Variants in NFIA observed in about 807,000 individuals in gnomAD.
NFIA encodes the protein nuclear factor I A.
NFIA carries 8 observed loss-of-function variants against 62.8 expected under a neutral mutation model. The observed-to-expected ratio is 0.13, with a 90% CI of 0.07 to 0.23. NFIA has a LOEUF of 0.23. Among genes scored for constraint, NFIA ranks in the 10% least tolerant of loss-of-function variants. The pLI, the probability that NFIA is intolerant of heterozygous loss-of-function variation, is 1.00. For missense variants in NFIA, 410 were observed against 642.1 expected, an observed-to-expected ratio of 0.64 and a Z score of 3.91; for synonymous variants, 235 against 238.1, an observed-to-expected ratio of 0.99 and a Z score of 0.12.
chr1:61,265,079 G>A (rs1051256747), intron 2 of NFIA, among the ~76,000 whole-genome samples: 1 of 152,130 alleles, frequency 6.6e-6, no homozygotes, highest in African/African-American at 2.4e-5. Context: ...TTTCCCATTT[G>A]TATCAACTCA....
At chr1:61,274,064 G>A (rs567611770) in intron 2 of NFIA, among the ~76,000 whole-genome samples, 25 of 152,264 alleles carry the variant, frequency 1.6e-4, no homozygotes, top group Non-Finnish European at 3.1e-4. Context: ...TTGTACAAGC[G>A]TTTGGAAGCA....
chr1:61,439,330 G>T (rs953521747), intron 10 of NFIA: 1 of 152,110 alleles, frequency 6.6e-6, no homozygotes, highest in Non-Finnish European at 1.5e-5. Flanking sequence ...TAAAAATGAC[G>T]TTTTGTTCTC....
chr1:61,252,550 G>A (rs1656111948), intron 2 of NFIA, among the ~76,000 whole-genome samples: 1 of 152,214 alleles, frequency 6.6e-6, no homozygotes, highest in Admixed American at 6.5e-5. Flanking sequence ...ATGAGAGAAG[G>A]TTGTAAAAAT....
At chr1:61,301,703 A>G (rs1354117506) in intron 3 of NFIA, among the ~76,000 whole-genome samples, 1 of 152,202 alleles carries the variant, frequency 6.6e-6, no homozygotes, top group Non-Finnish European at 1.5e-5. Flanking sequence ...TTAAAGAGAA[A>G]TGAGGTTTAG....
chr1:61,346,292 C>T (rs1384561262), intron 4 of NFIA, among the ~76,000 whole-genome samples: 1 of 152,152 alleles, frequency 6.6e-6, no homozygotes, highest in Admixed American at 6.5e-5. Context: ...GCGACTGCAT[C>T]GTTTTTATAG....
chr1:61,322,238 G>A (rs545995195), intron 3 of NFIA, among the ~76,000 whole-genome samples: 3 of 152,302 alleles, frequency 2.0e-5, no homozygotes, highest in East Asian at 1.9e-4. Flanking sequence ...GTTGTGACAC[G>A]TTAGATTCAA....
chr1:61,363,190 A>G (rs753587132), intron 6 of NFIA, among the ~76,000 whole-genome samples: 4 of 152,242 alleles, frequency 2.6e-5, no homozygotes, highest in African/African-American at 4.8e-5. Flanking sequence ...TCCAAAATCC[A>G]TATTTGAAAC....
chr1:61,253,853 T>G (rs1002471154), intron 2 of NFIA, among the ~76,000 whole-genome samples: 1 of 152,224 alleles, frequency 6.6e-6, no homozygotes, highest in Non-Finnish European at 1.5e-5. Flanking sequence ...AATAAAGCAG[T>G]GACTAATTAT....
At chr1:61,319,944 G>C (rs548086358) in intron 3 of NFIA, among the ~76,000 whole-genome samples, 1 of 151,998 alleles carries the variant, frequency 6.6e-6, no homozygotes, top group African/African-American at 2.4e-5. Flanking sequence ...CCTCAGATCT[G>C]TGTTCTCTAT....
At position 61,327,058 on chromosome 1, in the gene NFIA, A is replaced by G. The variant is rs185705966; in HGVS notation, c.626-5454A>G. Among the ~76,000 whole-genome samples, 1,149 of 148,526 alleles carry G rather than the reference A, an allele frequency of 7.7e-3. 7 individuals are homozygous for G. The highest frequency in any genetic ancestry group is 0.046 in the Middle Eastern group (13 of 280). On this transcript the variant is annotated intron_variant, in intron 3 of 10. Transcript: ENST00000403491. ...AAAAATATATATATATGATATGTAT[A>G]TATCTACTATTATGATATGTATATA...
At chr1:61,297,248 A>G (rs1329834006) in intron 3 of NFIA, among the ~76,000 whole-genome samples, 2 of 152,206 alleles carry the variant, frequency 1.3e-5, no homozygotes, top group Middle Eastern at 3.2e-3. Context: ...TCTACTCTGC[A>G]TACCATTAAA....
intron 3 of NFIA, among the ~76,000 whole-genome samples, chr1:61,303,900 T>A (rs1487859053): frequency 6.6e-6 from 1 of 152,180 alleles, no homozygotes; most frequent in Non-Finnish European, 1.5e-5. Context: ...CTCTTTATGC[T>A]GTTCCGAGTA....
chr1:61,166,459 GC>G (rs1200337843), intron 2 of NFIA, among the ~76,000 whole-genome samples: 1 of 152,026 alleles, frequency 6.6e-6, no homozygotes, highest in Non-Finnish European at 1.5e-5. Flanking sequence ...ACCCACACTG[GC>G]CAACTGAGAA....
At chr1:61,181,285 G>A (rs1038825636) in intron 2 of NFIA, among the ~76,000 whole-genome samples, 1 of 152,182 alleles carries the variant, frequency 6.6e-6, no homozygotes, top group Non-Finnish European at 1.5e-5. Flanking sequence ...ATGTATGTGT[G>A]AAACAGCCAC....
intron 2 of NFIA, among the ~76,000 whole-genome samples, chr1:61,186,318 C>A (rs1188252981): frequency 6.6e-6 from 1 of 152,058 alleles, no homozygotes; most frequent in Non-Finnish European, 1.5e-5. Context: ...AAAACACTTT[C>A]TACATCATAG....
intron 3 of NFIA, among the ~76,000 whole-genome samples, chr1:61,297,327 G>C (rs1659240820): frequency 6.6e-6 from 1 of 152,098 alleles, no homozygotes; most frequent in African/African-American, 2.4e-5. Context: ...ATAAGAGGCA[G>C]TGCCATTAAC....
intron 4 of NFIA, among the ~76,000 whole-genome samples, chr1:61,342,583 G>A (rs1423219254): frequency 6.6e-6 from 1 of 152,220 alleles, no homozygotes; most frequent in Non-Finnish European, 1.5e-5. Flanking sequence ...GTTAGACCAA[G>A]TGGCAGGGCC....
At chr1:61,426,295 T>A (rs1336050153) in intron 9 of NFIA, among the ~76,000 whole-genome samples, 170 bp from the exon 10 acceptor site, 1 of 152,192 alleles carries the variant, frequency 6.6e-6, no homozygotes, top group Admixed American at 6.5e-5. Flanking sequence ...CTCTTCCCCC[T>A]TTTTTGACTG....
intron 9 of NFIA, among the ~76,000 whole-genome samples, chr1:61,421,629 A>G (rs1666625568): frequency 6.6e-6 from 1 of 152,126 alleles, no homozygotes; most frequent in Non-Finnish European, 1.5e-5. Flanking sequence ...GGTGCCTCAC[A>G]TTTTCCTCCT....
Sources: allele counts gnomAD v4.1 joint callset (sites outside exome capture counted in the v4.1 genomes callset), GRCh38; gene constraint gnomAD v4.1.1; transcripts MANE v1.5; gene names NCBI Gene and HGNC (gene_info 2026-07-23, HGNC 2026-07-21).